PAAF1: variants seen among roughly 807,000 people sequenced by gnomAD.
PAAF1 encodes the protein proteasomal ATPase-associated factor 1.
A neutral mutation model predicts 52.8 loss-of-function variants in PAAF1; 46 were observed. The observed-to-expected ratio is 0.87, with a 90% CI of 0.69 to 1.11. The LOEUF (loss-of-function observed/expected upper bound fraction) is 1.11. PAAF1 is among the 50% of genes most tolerant of loss of function. The pLI, the probability that PAAF1 is intolerant of heterozygous loss-of-function variation, is 0.00. For synonymous variants in PAAF1, 178 were observed against 172.8 expected (o/e 1.03, Z -0.24); for missense variants, 424 against 477.4 (o/e 0.89, Z 1.04).
At chr11:73,889,281 A>G (rs1949140656) in intron 3 of PAAF1, 5 of 1,221,954 alleles carry the variant, frequency 4.1e-6, no homozygotes, top group African/African-American at 1.5e-5. Flanking sequence ...TTTGTTTCCT[A>G]ACTGCCATGA....
chr11:73,907,777 A>G (rs1391876418), intron 6 of PAAF1, among the ~76,000 whole-genome samples: 1 of 152,158 alleles, frequency 6.6e-6, no homozygotes, highest in East Asian at 1.9e-4. Context: ...GTTGATGTCT[A>G]CTGGTATAGG....
At chr11:73,924,033 G>A (rs1442854857) in intron 10 of PAAF1, among the ~76,000 whole-genome samples, 1 of 147,064 alleles carries the variant, frequency 6.8e-6, no homozygotes, top group Admixed American at 6.7e-5. Context: ...ACACACCTGT[G>A]GTTGCTTGCT....
chr11:73,907,380 G>A (rs763785437), intron 6 of PAAF1, among the ~76,000 whole-genome samples: 12 of 152,060 alleles, frequency 7.9e-5, no homozygotes, highest in Non-Finnish European at 1.3e-4. Flanking sequence ...GACTCATACC[G>A]CCTCACACTG....
intron 4 of PAAF1, among the ~76,000 whole-genome samples, chr11:73,897,554 G>T (rs552183829): frequency 0.012 from 1,865 of 150,104 alleles, 43 homozygotes; most frequent in African/African-American, 0.044. Context: ...ATGGGCGGCC[G>T]GGCAGAGACG....
intron 7 of PAAF1, among the ~76,000 whole-genome samples, chr11:73,912,585 CT>C (rs1357078562): frequency 2.6e-5 from 4 of 152,188 alleles, no homozygotes; most frequent in Non-Finnish European, 5.9e-5. Context: ...GCCTGTACTA[CT>C]GCCTAGACTA....
At chr11:73,927,183 T>C (rs1400844898) in intron 11 of PAAF1, 102 bp from the exon 12 acceptor site, 6 of 880,438 alleles carry the variant, frequency 6.8e-6, no homozygotes, top group African/African-American at 3.3e-5. Flanking sequence ...CATAAAGCCT[T>C]CTCAGACTCC....
At chr11:73,920,153 G>T (rs1270901705) in intron 10 of PAAF1, among the ~76,000 whole-genome samples, 1 of 152,060 alleles carries the variant, frequency 6.6e-6, no homozygotes, top group East Asian at 1.9e-4. Flanking sequence ...AGGGCATATG[G>T]GAACCTTCTG....
chr11:73,884,865 T>G (rs1286357504), intron 2 of PAAF1, among the ~76,000 whole-genome samples: 1 of 143,532 alleles, frequency 7.0e-6, no homozygotes, highest in Non-Finnish European at 1.5e-5. Context: ...CTTTTATTCT[T>G]TTTTTTTTTT....
At chr11:73,876,841 C>A, upstream of PAAF1, 1 of 599,668 alleles carries the variant, frequency 1.7e-6, no homozygotes. Context: ...CTCTGTACAT[C>A]CTTTCAGGAA....
intron 2 of PAAF1, among the ~76,000 whole-genome samples, chr11:73,885,375 C>T (rs1949033639): frequency 1.3e-5 from 2 of 151,640 alleles, no homozygotes; most frequent in African/African-American, 4.8e-5. Context: ...AACTCCTGAC[C>T]TTGTGATCCA....
intron 7 of PAAF1, among the ~76,000 whole-genome samples, chr11:73,913,623 T>C (rs955677901): frequency 1.1e-4 from 16 of 151,842 alleles, no homozygotes; most frequent in Admixed American, 5.3e-4. Flanking sequence ...GAGGACCTTA[T>C]CTGTTTGTTC....
intron 10 of PAAF1, among the ~76,000 whole-genome samples, chr11:73,920,592 C>T (rs924777871): frequency 6.6e-6 from 1 of 152,090 alleles, no homozygotes; most frequent in Non-Finnish European, 1.5e-5. Flanking sequence ...GTGGCTCACA[C>T]CTGTAATCCC....
At chr11:73,899,002 T>C (rs1021770702) in intron 4 of PAAF1, 144 bp from the exon 5 acceptor site, 3 of 597,140 alleles carry the variant, frequency 5.0e-6, no homozygotes, top group Admixed American at 6.2e-5. Flanking sequence ...ACTCAACCTT[T>C]ACATCAAACA....
At chr11:73,909,305 G>T in intron 6 of PAAF1, 94 bp from the exon 7 acceptor site, 1 of 1,130,430 alleles carries the variant, frequency 8.8e-7, no homozygotes, top group Non-Finnish European at 1.3e-6. Context: ...ACATGTTTGT[G>T]AAGGGATGGA....
chr11:73,881,038 A>AC (rs1948891564), intron 2 of PAAF1, among the ~76,000 whole-genome samples: 1 of 152,034 alleles, frequency 6.6e-6, no homozygotes, highest in Non-Finnish European at 1.5e-5. Context: ...TACACAAAAG[A>AC]CCTACATTTT....
intron 6 of PAAF1, among the ~76,000 whole-genome samples, chr11:73,908,275 GTGTATATA>G (rs1428872902): frequency 6.8e-6 from 1 of 146,126 alleles, no homozygotes; most frequent in Non-Finnish European, 1.5e-5. Context: ...GTGTATATAT[GTGTATATA>G]TGTATATATA....
At chr11:73,906,316 A>C (rs958915304) in intron 6 of PAAF1, among the ~76,000 whole-genome samples, 3 of 152,072 alleles carry the variant, frequency 2.0e-5, no homozygotes, top group Non-Finnish European at 4.4e-5. Context: ...GTAGTGGTGC[A>C]ATCTCCGCTC....
chr11:73,919,053 A>G (rs1470148625), intron 10 of PAAF1, 21 bp downstream of exon 10: 2 of 1,582,368 alleles, frequency 1.3e-6, no homozygotes, highest in Non-Finnish European at 1.7e-6. Context: ...GGGCCAATTG[A>G]GAGAGATGCT....
chr11:73,895,844 C>T (rs939496063), intron 4 of PAAF1, among the ~76,000 whole-genome samples: 8 of 152,316 alleles, frequency 5.3e-5, no homozygotes, highest in South Asian at 2.1e-4. Context: ...CGGTGGCTCA[C>T]GCCTGTGATC....
Sources: gnomAD v4.1 joint callset for allele counts (sites outside exome capture counted in the v4.1 genomes callset) on GRCh38, gnomAD v4.1.1 for gene constraint, MANE v1.5 for transcripts, NCBI Gene and HGNC (gene_info 2026-07-23, HGNC 2026-07-21) for gene names.